Variants in HSPG2 observed in about 807,000 individuals in gnomAD.
The protein encoded by HSPG2 is heparan sulfate proteoglycan 2.
Under a neutral mutation model 526.6 loss-of-function variants are expected in HSPG2, and 278 were observed. The observed-to-expected ratio is 0.53, with a 90% CI of 0.48 to 0.58. HSPG2 has a LOEUF of 0.58. HSPG2 is among the 20% of genes least tolerant of loss of function. The pLI, the probability that HSPG2 is intolerant of heterozygous loss-of-function variation, is 0.00. For missense variants in HSPG2, 5,354 were observed against 6,099.5 expected, an observed-to-expected ratio of 0.88 and a Z score of 4.07; for synonymous variants, 2,465 against 2,555.4, an observed-to-expected ratio of 0.96 and a Z score of 1.07.
chr1:21,847,321 T>C lies in HSPG2; in HGVS notation c.8164+33A>G. The C allele has an allele frequency of 6.2e-7, 1 of 1,613,088 alleles. No individual in the cohort carries two copies. Among genetic ancestry groups the C allele is most frequent in the Non-Finnish European group, 8.5e-7 (1 of 1,179,548 alleles). Reference sequence around the variant, plus strand: ...CTTCTCCCCAGGGAACACTGTTGCCTGCATCCCTCGTCCCTTTCCTAGGCA... The same window carrying C: ...CTTCTCCCCAGGGAACACTGTTGCCCGCATCCCTCGTCCCTTTCCTAGGCA... On this transcript the variant is annotated intron_variant, in intron 62 of 96. Transcript: ENST00000374695. This position sits in a 1 kb window ranked among gnomAD's most constrained non-coding sequence, Gnocchi z 4.1.
At chr1:21,846,037 C>T in intron 64 of HSPG2, 71 bp downstream of exon 64, 1 of 1,562,504 alleles carries the variant, frequency 6.4e-7, no homozygotes, top group South Asian at 1.1e-5. Flanking sequence ...TTCCTTCTGC[C>T]AGTTCTGCCC....
chr1:21,905,869 G>C (rs1287960417), intron 1 of HSPG2, among the ~76,000 whole-genome samples: 1 of 152,198 alleles, frequency 6.6e-6, no homozygotes, highest in African/African-American at 2.4e-5. Context: ...AAATCAGCCC[G>C]TTGTGGTGGT....
intron 14 of HSPG2, 151 bp downstream of exon 14, chr1:21,881,188 C>T (rs1641475359): frequency 1.0e-6 from 1 of 977,530 alleles, no homozygotes; most frequent in Non-Finnish European, 1.6e-6. Flanking sequence ...AGAGGTCCTG[C>T]CCTGAATGGA....
At chr1:21,916,272 C>T (rs570174949) in intron 1 of HSPG2, among the ~76,000 whole-genome samples, 247 of 151,994 alleles carry the variant, frequency 1.6e-3, no homozygotes, top group Non-Finnish European at 3.1e-3. Context: ...GAGACCGAGG[C>T]GGGTGGATCA....
intron 74 of HSPG2, among the ~76,000 whole-genome samples, chr1:21,837,709 G>A (rs2098032314): frequency 6.6e-6 from 1 of 152,108 alleles, no homozygotes; most frequent in South Asian, 2.1e-4. Context: ...TGGGAGGCGG[G>A]GGCTGATGCA....
In HSPG2 at chr1:21,847,776, G is replaced by A. The variant is rs970688026; in HGVS notation, c.7938C>T (p.Thr2646=). 4 of 1,613,570 alleles carry A rather than the reference G, an allele frequency of 2.5e-6. No individual in the cohort carries two copies. Among genetic ancestry groups the A allele is most frequent in the Non-Finnish European group, 3.4e-6 (4 of 1,179,940 alleles). Residue 2646 remains threonine (T), a synonymous_variant, in exon 61 of 97, where the codon ACC becomes ACT. Transcript: ENST00000374695. This position sits in a 1 kb window ranked among gnomAD's most constrained non-coding sequence, Gnocchi z 4.1. ...SSSPTVVEGQ[T]LDLNCVVARQ... is the part of the protein sequence containing the mutation. ...TGGCGACCACGCAGTTCAGATCCAA[G>A]GTCTGCCCTTCCACCACCGTGGGGG...
chr1:21,861,820 A>G lies in HSPG2; in HGVS notation c.4892T>C (p.Leu1631Pro), dbSNP rs1239491581. ...CGTGCAGCGGTACCCGCCGGCTCCC[A>G]GGCTCTCACAGGTGCGGGAAAACCT... ...ENMFSRTCES[L>P]GAGGYRCTAC... Residue 1631 changes from leucine (L) to proline (P), a missense_variant, in exon 39 of 97, where the codon CTG becomes CCG. Leu to Pro is a moderately conservative substitution (Grantham distance 98). Transcript: ENST00000374695. The G allele has an allele frequency of 2.5e-6, 4 of 1,613,578 alleles. No homozygotes were observed. The highest frequency in any genetic ancestry group is 3.4e-6 in the Non-Finnish European group (4 of 1,180,010).
At chr1:21,909,303 A>G (rs972937623) in intron 1 of HSPG2, among the ~76,000 whole-genome samples, 1 of 152,220 alleles carries the variant, frequency 6.6e-6, no homozygotes, top group East Asian at 1.9e-4. Flanking sequence ...CTAAAGAAAT[A>G]TAAGAAAAAC....
rs778319649 is a variant in HSPG2 at position 21,824,359 on chromosome 1, G to A, written c.12762C>T (p.Gly4254=). ...CGAGGCTGATGAAGTCCTTGCCTTG[G>A]CCGGCCTCTCCCACCTCCTGCCAGG... ...LWQGVEVGEA[G]QGKDFISLGL... is the part of the protein sequence containing the mutation. The change falls in exon 94 of 97, where the codon GGC becomes GGT. Residue 4254 remains glycine (G), a synonymous_variant. Transcript: ENST00000374695. The surrounding 1 kb of genome is among the most constrained non-coding windows in gnomAD (Gnocchi z 5.9). 2.5e-6 allele frequency: 4 copies of A among 1,613,826 alleles called. No individual in the cohort carries two copies. Among genetic ancestry groups the A allele is most frequent in the Non-Finnish European group, 3.4e-6 (4 of 1,180,010 alleles).
Position 21,823,404 on chromosome 1 carries a change from G to C in HSPG2, c.13088C>G (p.Ser4363Trp). 1.3e-6 allele frequency: 2 copies of C among 1,573,930 alleles called. No individual in the cohort carries two copies. The highest frequency in any genetic ancestry group is 1.7e-6 in the Non-Finnish European group (2 of 1,164,746). Reference protein sequence around the residue: ...TGCVKNLVLHSARPGAPPPQP... With the variant: ...TGCVKNLVLHWARPGAPPPQP... ...TGGGGGCGGGGCGCCGGGTCGGGCC[G>C]AGTGCAGCACCAGGTTCTTGACACA... Residue 4363 changes from serine to tryptophan, a missense_variant, in exon 97 of 97, where the codon TCG becomes TGG. Coordinates refer to ENST00000374695, the MANE Select transcript of HSPG2 (RefSeq NM_005529.7).
At chr1:21,829,191 T>A in intron 87 of HSPG2, 112 bp from the exon 88 acceptor site, 1 of 1,453,188 alleles carries the variant, frequency 6.9e-7, no homozygotes, top group Non-Finnish European at 9.2e-7. Flanking sequence ...GCCTTCTGTA[T>A]TCCAGATGAG....
chr1:21,908,134 T>A, intron 1 of HSPG2: 1 of 823,696 alleles, frequency 1.2e-6, no homozygotes, highest in Non-Finnish European at 2.1e-6. Context: ...AGGCACCCAA[T>A]AGATGTTCTC....
chr1:21,868,085 C>T (rs754544595), intron 33 of HSPG2, among the ~76,000 whole-genome samples: 1 of 151,538 alleles, frequency 6.6e-6, no homozygotes, highest in Admixed American at 6.6e-5. Context: ...GTTGCCCAGG[C>T]TGGAGTGAAG....
chr1:21,913,220 G>A (rs1643761645), intron 1 of HSPG2, among the ~76,000 whole-genome samples: 1 of 152,144 alleles, frequency 6.6e-6, no homozygotes, highest in Non-Finnish European at 1.5e-5. Flanking sequence ...CTGGGAGGGT[G>A]GCAATGGGCT....
Position 21,872,421 on chromosome 1 carries a change from T to G in HSPG2, c.4030-44A>C. The G allele has an allele frequency of 1.3e-6, 2 of 1,522,268 alleles. No homozygotes were observed. The highest frequency in any genetic ancestry group is 1.8e-6 in the Non-Finnish European group (2 of 1,126,282). The allele number at this position is 1,522,268 out of a possible 1,614,324, so 94.3% of individuals were successfully genotyped here. ...GGGGGCGTCAGCCTGAGCACCGGGG[T>G]GCCTTGGTGGGGGATGGGGCACGGG... On this transcript the variant is annotated intron_variant, in intron 32 of 96. Coordinates refer to ENST00000374695, the MANE Select transcript of HSPG2 (RefSeq NM_005529.7). The surrounding 1 kb of genome is among the most constrained non-coding windows in gnomAD (Gnocchi z 5.5).
At position 21,844,315 on chromosome 1, in the gene HSPG2, G is replaced by A. The variant is rs1638249768; in HGVS notation, c.8465-16C>T. 6.2e-7 allele frequency: 1 copy of A among 1,605,764 alleles called. No homozygotes were observed. Among genetic ancestry groups the A allele is most frequent in the Non-Finnish European group, 8.5e-7 (1 of 1,174,120 alleles). On this transcript the variant is annotated splice_polypyrimidine_tract_variant and intron_variant, in intron 64 of 96. Transcript: ENST00000374695. ...CCACCTGGGGCTGGGGCACAGGGGA[G>A]AGGTCAGTGAGCTGAGATGCCACCC...
At position 21,865,491 on chromosome 1, in the gene HSPG2, C is replaced by G. The variant is rs373148986; in HGVS notation, c.4315-126G>C. The G allele has an allele frequency of 1.5e-5, 15 of 980,176 alleles. 1 individual carries two copies. The African/African-American group carries it at 2.1e-4, about 14-fold the overall frequency. The allele number at this position is 980,176 out of a possible 1,614,324, so 60.7% of individuals were successfully genotyped here. On this transcript the variant is annotated intron_variant, in intron 34 of 96. Coordinates refer to ENST00000374695, the MANE Select transcript of HSPG2 (RefSeq NM_005529.7). This position sits in a 1 kb window ranked among gnomAD's most constrained non-coding sequence, Gnocchi z 5.4. ...ACCTCTCTGCTCTCCCAAGCTCATG[C>G]GCCCAAAGGAGTCAGGCACATGCCC...
In HSPG2 at chr1:21,887,354, T is replaced by TCAGCAGCATCCTCCCGGGC; in HGVS notation, c.959-39_959-21dup. 6.2e-7 allele frequency: 1 copy of TCAGCAGCATCCTCCCGGGC among 1,613,420 alleles called. No homozygotes were observed. Among genetic ancestry groups the TCAGCAGCATCCTCCCGGGC allele is most frequent in the Non-Finnish European group, 8.5e-7 (1 of 1,179,812 alleles). ...GGGGGCCTAGGAGACCGGGCAGGGG[T>TCAGCAGCATCCTCCCGGGC]CAGCAGCATCCTCCCGGGCCAGCTT... On this transcript the variant is annotated intron_variant, in intron 8 of 96. Coordinates refer to ENST00000374695, the MANE Select transcript of HSPG2 (RefSeq NM_005529.7). This position sits in a 1 kb window ranked among gnomAD's most constrained non-coding sequence, Gnocchi z 5.0.
At chr1:21,869,681 G>A (rs971250403) in intron 33 of HSPG2, 7 of 986,010 alleles carry the variant, frequency 7.1e-6, no homozygotes, top group East Asian at 2.3e-4. Flanking sequence ...ACCAGGAGCC[G>A]AAGAGCGGCA....
Sources: gnomAD v4.1 joint callset for allele counts (sites outside exome capture counted in the v4.1 genomes callset) on GRCh38, gnomAD v4.1.1 for gene constraint, Gnocchi (gnomAD v3.1) non-coding constraint, MANE v1.5 for transcripts, NCBI Gene and HGNC (gene_info 2026-07-23, HGNC 2026-07-21) for gene names.